Variants in CCDC85A observed in about 807,000 individuals in gnomAD.
CCDC85A encodes the protein coiled-coil domain-containing protein 85A.
In CCDC85A, 38 loss-of-function variants were observed where a neutral mutation model predicts 50.2. The observed-to-expected ratio is 0.76, with a 90% CI of 0.58 to 0.99. The LOEUF is 0.99. Among genes scored for constraint, CCDC85A ranks in the 50% least tolerant of loss-of-function variants. CCDC85A has a pLI of 0.00. For missense variants in CCDC85A, 820 were observed against 742.0 expected (o/e 1.11, Z -1.22); for synonymous variants, 366 against 301.4 (o/e 1.21, Z -2.22).
At chr2:56,313,030 C>T (rs1672765243) in intron 2 of CCDC85A, among the ~76,000 whole-genome samples, 1 of 152,112 alleles carries the variant, frequency 6.6e-6, no homozygotes, top group Admixed American at 6.6e-5. Context: ...TCTTAACATG[C>T]TCATTTTATG....
chr2:56,238,005 G>C (rs1451374392), intron 2 of CCDC85A, among the ~76,000 whole-genome samples: 5 of 152,096 alleles, frequency 3.3e-5, no homozygotes, highest in Non-Finnish European at 5.9e-5. Flanking sequence ...AGCTTTCCCA[G>C]TGACTTTCCC....
chr2:56,282,712 G>A (rs1671259436), intron 2 of CCDC85A, among the ~76,000 whole-genome samples: 2 of 152,156 alleles, frequency 1.3e-5, no homozygotes, highest in South Asian at 4.1e-4. Flanking sequence ...GTTTCACCAT[G>A]TTGGCCAGGC....
At position 56,301,925 on chromosome 2, in the gene CCDC85A, C is replaced by T. The variant is rs569024745; in HGVS notation, c.1241-40954C>T. Among the ~76,000 whole-genome samples, 4 of 152,244 alleles carry T rather than the reference C, an allele frequency of 2.6e-5. No homozygotes were observed. In the East Asian group the frequency reaches 7.7e-4, roughly 29 times the overall value. Reference sequence around the variant, plus strand: ...TACCTATGTAACAAACCTGCACATTCTGCACATGTATTTCAGAACTTAAAG... The same window carrying T: ...TACCTATGTAACAAACCTGCACATTTTGCACATGTATTTCAGAACTTAAAG... On this transcript the variant is annotated intron_variant, in intron 2 of 5. Coordinates refer to ENST00000407595, the MANE Select transcript of CCDC85A (RefSeq NM_001080433.2).
intron 2 of CCDC85A, among the ~76,000 whole-genome samples, chr2:56,323,989 A>G (rs960204897): frequency 6.6e-6 from 1 of 152,150 alleles, no homozygotes; most frequent in African/African-American, 2.4e-5. Flanking sequence ...ATATACGTTT[A>G]TAAATTGTAG....
chr2:56,360,328 A>G (rs1176618677), intron 3 of CCDC85A, among the ~76,000 whole-genome samples: 8 of 152,134 alleles, frequency 5.3e-5, no homozygotes, highest in African/African-American at 1.9e-4. Context: ...AGGCCTCTCC[A>G]TTTTAGCGTT....
At chr2:56,356,063 T>C (rs1219808627) in intron 3 of CCDC85A, among the ~76,000 whole-genome samples, 1 of 152,212 alleles carries the variant, frequency 6.6e-6, no homozygotes, top group Non-Finnish European at 1.5e-5. Flanking sequence ...TTTTCATATG[T>C]GATGAAATTT....
chr2:56,365,352 C>G (rs1367027813), intron 3 of CCDC85A, among the ~76,000 whole-genome samples: 1 of 152,144 alleles, frequency 6.6e-6, no homozygotes, highest in Non-Finnish European at 1.5e-5. Flanking sequence ...TGGAGAAGGT[C>G]AAATGAGCAC....
rs1676326577 is a variant in CCDC85A, at chr2:56,192,196, A to T, written c.277-281A>T. 6.6e-6 allele frequency among the ~76,000 whole-genome samples: 1 copy of T among 152,190 alleles called. No homozygotes were observed. On this transcript the variant is annotated intron_variant, in intron 1 of 5. Coordinates refer to ENST00000407595, the MANE Select transcript of CCDC85A (RefSeq NM_001080433.2). This position sits in a 1 kb window ranked among gnomAD's most constrained non-coding sequence, Gnocchi z 4.7. ...CAGGGATAGAACTGATACTTAAGTT[A>T]GTTTAATTTTTATGGCCATACTAAT...
At chr2:56,215,833 T>C (rs1469663117) in intron 2 of CCDC85A, among the ~76,000 whole-genome samples, 1 of 151,934 alleles carries the variant, frequency 6.6e-6, no homozygotes, top group African/African-American at 2.4e-5. Flanking sequence ...TGCCTGTTTT[T>C]ACATGACTTG....
chr2:56,192,573 G>C lies in CCDC85A; in HGVS notation c.373G>C (p.Glu125Gln). The change falls in exon 2 of 6, where the codon GAG (glutamate) becomes CAG (glutamine). Residue 125 changes from glutamate (E) to glutamine (Q), a missense_variant. By Grantham distance (29) the Glu-to-Gln change is conservative. Coordinates refer to ENST00000407595, the MANE Select transcript of CCDC85A (RefSeq NM_001080433.2). This position sits in a 1 kb window ranked among gnomAD's most constrained non-coding sequence, Gnocchi z 4.7. Reference sequence around the variant, plus strand: ...GCAGAAAGGCAAGAGGGTGTCTCGGGAGTGGCAGAGACTGGGTCGCTACAC... The same window carrying C: ...GCAGAAAGGCAAGAGGGTGTCTCGGCAGTGGCAGAGACTGGGTCGCTACAC... The part of the protein sequence containing the change: ...DRQKGKRVSR[E>Q]WQRLGRYTAG... The C allele has an allele frequency of 6.2e-7, 1 of 1,613,970 alleles. No homozygotes were observed. The highest frequency in any genetic ancestry group is 8.5e-7 in the Non-Finnish European group (1 of 1,179,884).
intron 2 of CCDC85A, among the ~76,000 whole-genome samples, chr2:56,214,586 A>AG (rs1677316921): frequency 6.6e-6 from 1 of 151,396 alleles, no homozygotes; most frequent in Admixed American, 6.6e-5. Flanking sequence ...TTTTTTTTGG[A>AG]GGGGGGAGCG....
intron 3 of CCDC85A, among the ~76,000 whole-genome samples, chr2:56,371,212 A>C (rs183197087): frequency 6.6e-6 from 1 of 152,248 alleles, no homozygotes; most frequent in African/African-American, 2.4e-5. Context: ...TTTATAGGTC[A>C]CTGGTGCCAA....
intron 2 of CCDC85A, among the ~76,000 whole-genome samples, chr2:56,332,377 G>A (rs1439001443): frequency 1.3e-5 from 2 of 152,082 alleles, no homozygotes; most frequent in African/African-American, 4.8e-5. Flanking sequence ...AGTCCAAGAC[G>A]CAGGCACCCA....
chr2:56,323,219 A>C (rs1673299146), intron 2 of CCDC85A, among the ~76,000 whole-genome samples: 1 of 152,136 alleles, frequency 6.6e-6, no homozygotes, highest in Non-Finnish European at 1.5e-5. Flanking sequence ...GGTGCAGCAC[A>C]CCAACATGGC....
intron 2 of CCDC85A, among the ~76,000 whole-genome samples, chr2:56,329,053 G>T (rs1033200407): frequency 6.6e-6 from 1 of 152,098 alleles, no homozygotes; most frequent in East Asian, 1.9e-4. Flanking sequence ...CTGATGCCCT[G>T]GGACTTGTCT....
rs538431866 is a variant in CCDC85A, at chr2:56,241,306, T to C, written c.1240+47866T>C. 2.6e-5 allele frequency among the ~76,000 whole-genome samples: 4 copies of C among 152,308 alleles called. No homozygotes were observed. The East Asian group carries it at 7.7e-4, about 29-fold the overall frequency. ...TGGAGTACCCATCACTTCAAGCATTTATCGTTTGTGTTACAAACAATCCAG... is the reference window on the plus strand; with the variant it reads ...TGGAGTACCCATCACTTCAAGCATTCATCGTTTGTGTTACAAACAATCCAG... On this transcript the variant is annotated intron_variant, in intron 2 of 5. Coordinates refer to ENST00000407595, the MANE Select transcript of CCDC85A (RefSeq NM_001080433.2).
chr2:56,258,540 G>C (rs1254077124), intron 2 of CCDC85A, among the ~76,000 whole-genome samples: 1 of 152,160 alleles, frequency 6.6e-6, no homozygotes, highest in Non-Finnish European at 1.5e-5. Flanking sequence ...ACTTGGCCTG[G>C]GATGAGACTG....
intron 2 of CCDC85A, among the ~76,000 whole-genome samples, chr2:56,214,162 G>A (rs918078724): frequency 6.6e-6 from 1 of 151,894 alleles, no homozygotes; most frequent in African/African-American, 2.4e-5. Flanking sequence ...GCCAGACAAG[G>A]TTTGAATCCT....
intron 2 of CCDC85A, among the ~76,000 whole-genome samples, chr2:56,302,231 A>G (rs1672242872): frequency 6.6e-6 from 1 of 152,162 alleles, no homozygotes; most frequent in African/African-American, 2.4e-5. Flanking sequence ...ACTGCAGCCT[A>G]GATGACAGAG....
Sources: gnomAD v4.1 joint callset for allele counts (sites outside exome capture counted in the v4.1 genomes callset) on GRCh38, gnomAD v4.1.1 for gene constraint, Gnocchi (gnomAD v3.1) non-coding constraint, MANE v1.5 for transcripts, NCBI Gene and HGNC (gene_info 2026-07-23, HGNC 2026-07-21) for gene names.